The following RAB30 variants were observed in gnomAD, a reference collection of about 807,000 sequenced individuals.
The protein encoded by RAB30 is ras-related protein Rab-30.
A neutral mutation model predicts 25.1 loss-of-function variants in RAB30; 9 were observed. The observed-to-expected ratio is 0.36, with a 90% CI of 0.22 to 0.63. The LOEUF is 0.63. Ranked by LOEUF, RAB30 falls within the 20% of genes least tolerant of loss-of-function variation. The pLI, the probability that RAB30 is intolerant of heterozygous loss-of-function variation, is 0.69. For synonymous variants in RAB30, 77 were observed against 86.4 expected, an observed-to-expected ratio of 0.89 and a Z score of 0.60; for missense variants, 140 against 243.5, an observed-to-expected ratio of 0.58 and a Z score of 2.83.
At chr11:83,047,175 CCCCCAGG>C (rs1209029290) in intron 1 of RAB30, among the ~76,000 whole-genome samples, 1 of 151,524 alleles carries the variant, frequency 6.6e-6, no homozygotes, top group Non-Finnish European at 1.5e-5. Flanking sequence ...CTAATAAATG[CCCCCAGG>C]GTGGACGCCA....
chr11:83,017,298 G>A (rs1857460201), intron 1 of RAB30, among the ~76,000 whole-genome samples: 1 of 152,086 alleles, frequency 6.6e-6, no homozygotes, highest in Non-Finnish European at 1.5e-5. Flanking sequence ...GATAGTTCCA[G>A]TGCACTCCAG....
chr11:83,013,909 T>C (rs1857357832), intron 1 of RAB30, among the ~76,000 whole-genome samples: 1 of 152,224 alleles, frequency 6.6e-6, no homozygotes, highest in Admixed American at 6.5e-5. Flanking sequence ...AATTAAATAA[T>C]GCAAGTCCTC....
chr11:83,004,803 G>C (rs1202336659), intron 1 of RAB30, among the ~76,000 whole-genome samples: 1 of 151,962 alleles, frequency 6.6e-6, no homozygotes, highest in African/African-American at 2.4e-5. Flanking sequence ...CAAGACACCT[G>C]TCTCTGCTTG....
At chr11:83,000,563 AAC>A (rs1453569333) in intron 1 of RAB30, among the ~76,000 whole-genome samples, 7 of 152,236 alleles carry the variant, frequency 4.6e-5, no homozygotes, top group Non-Finnish European at 1.0e-4. Flanking sequence ...AGAAACAGGA[AAC>A]ACAGGACTGG....
chr11:83,023,779 A>G (rs1389975478), intron 1 of RAB30, among the ~76,000 whole-genome samples: 1 of 152,188 alleles, frequency 6.6e-6, no homozygotes, highest in Non-Finnish European at 1.5e-5. Context: ...CTCACATTTT[A>G]TAGCCCAGTA....
At chr11:83,022,435 A>T (rs1289417243) in intron 1 of RAB30, among the ~76,000 whole-genome samples, 1 of 152,184 alleles carries the variant, frequency 6.6e-6, no homozygotes, top group Non-Finnish European at 1.5e-5. Flanking sequence ...TTGGTATTAC[A>T]GGTGTGAGCC....
intron 1 of RAB30, among the ~76,000 whole-genome samples, chr11:83,004,334 T>A (rs1857143555): frequency 6.6e-6 from 1 of 152,222 alleles, no homozygotes; most frequent in Non-Finnish European, 1.5e-5. Flanking sequence ...CACTTTAATA[T>A]AAATTTGTTC....
chr11:82,977,731 A>C lies in RAB30; in HGVS notation c.*4434T>G, dbSNP rs575953461. On this transcript the variant is annotated 3_prime_UTR_variant, in exon 5 of 5. Coordinates refer to ENST00000527633, the MANE Select transcript of RAB30 (RefSeq NM_001286060.2). ...TATTCTTTAAATGGCTTGCATTTAA[A>C]ATTCCTTCATCAGACTGGTAATGCC... 1 of 152,316 alleles carries C rather than the reference A, an allele frequency of 6.6e-6. No individual in the cohort carries two copies. The highest frequency in any genetic ancestry group is 2.4e-5 in the African/African-American group (1 of 41,568). 9.4% of individuals were successfully genotyped at this position (152,316 alleles called of 1,614,324 possible). A position where few individuals can be genotyped will look rare whatever the true frequency, so the allele number is the denominator to read the frequency against.
At chr11:83,014,883 C>G (rs1158656785) in intron 1 of RAB30, among the ~76,000 whole-genome samples, 2 of 151,632 alleles carry the variant, frequency 1.3e-5, no homozygotes, top group Admixed American at 6.6e-5. Context: ...AGGGGCGAGT[C>G]AAGCACATGA....
intron 1 of RAB30, among the ~76,000 whole-genome samples, chr11:83,009,308 C>A (rs190142612): frequency 1.3e-5 from 2 of 152,144 alleles, no homozygotes; most frequent in African/African-American, 4.8e-5. Context: ...TCAGGCAATC[C>A]GCCCGCCTCG....
chr11:82,987,570 C>G lies in RAB30; in HGVS notation c.361+17G>C. On this transcript the variant is annotated intron_variant, in intron 4 of 4. Transcript: ENST00000527633. ...ATGCCCACAAATCAATTTCCCTCCTCGTTAGCCCTTACTTACCCACTAACA... is the reference window on the plus strand; with the variant it reads ...ATGCCCACAAATCAATTTCCCTCCTGGTTAGCCCTTACTTACCCACTAACA... 6.3e-7 allele frequency: 1 copy of G among 1,589,338 alleles called. No homozygotes were observed. Among genetic ancestry groups the G allele is most frequent in the Non-Finnish European group, 8.6e-7 (1 of 1,163,680 alleles).
At chr11:83,057,833 T>C (rs1171533356) in intron 1 of RAB30, among the ~76,000 whole-genome samples, 1 of 152,202 alleles carries the variant, frequency 6.6e-6, no homozygotes, top group Non-Finnish European at 1.5e-5. Context: ...GAATTCCAAT[T>C]GTGGATTCAG....
At chr11:83,023,140 C>T (rs978337160) in intron 1 of RAB30, among the ~76,000 whole-genome samples, 2 of 152,062 alleles carry the variant, frequency 1.3e-5, no homozygotes, top group Non-Finnish European at 2.9e-5. Context: ...AAAATATTCT[C>T]AGTTGATTCT....
intron 1 of RAB30, among the ~76,000 whole-genome samples, chr11:83,045,514 AGGAG>A (rs1306088596): frequency 6.6e-6 from 1 of 152,210 alleles, no homozygotes; most frequent in East Asian, 1.9e-4. Flanking sequence ...ACTGCCCACC[AGGAG>A]GTCGCAAATG....
chr11:83,001,366 A>T (rs531373606), intron 1 of RAB30, among the ~76,000 whole-genome samples: 14 of 152,200 alleles, frequency 9.2e-5, no homozygotes, highest in Non-Finnish European at 1.6e-4. Flanking sequence ...TTTTGTAGAG[A>T]CAGGGTCTCA....
chr11:82,975,017 C>T lies in RAB30; in HGVS notation c.*7148G>A, dbSNP rs1021826436. On this transcript the variant is annotated 3_prime_UTR_variant, in exon 5 of 5. Coordinates refer to ENST00000527633, the MANE Select transcript of RAB30 (RefSeq NM_001286060.2). ...AGTTCAAATACATTTATGTAGCTCC[C>T]TTATATACTATCAAAGGAGCTCCAA... is the stretch of plus-strand genomic sequence containing the variant. The T allele has an allele frequency of 4.0e-5, 6 of 150,634 alleles. No individual in the cohort carries two copies. Among genetic ancestry groups the T allele is most frequent in the Non-Finnish European group, 8.9e-5 (6 of 67,770 alleles). The allele number at this position is 150,634 out of a possible 1,614,324, so 9.3% of individuals were successfully genotyped here.
chr11:83,065,616 G>A (rs895812689), intron 1 of RAB30, among the ~76,000 whole-genome samples: 1 of 152,134 alleles, frequency 6.6e-6, no homozygotes, highest in Non-Finnish European at 1.5e-5. Flanking sequence ...CAGTGATGTT[G>A]TGTACTTCCC....
intron 4 of RAB30, among the ~76,000 whole-genome samples, chr11:82,983,066 A>G (rs1856672262): frequency 6.6e-6 from 1 of 152,158 alleles, no homozygotes; most frequent in South Asian, 2.1e-4. Flanking sequence ...ACCAAAAAAA[A>G]AGCGAAGCAG....
intron 1 of RAB30, among the ~76,000 whole-genome samples, chr11:83,000,411 T>A (rs921047297): frequency 2.6e-5 from 4 of 152,206 alleles, no homozygotes; most frequent in Non-Finnish European, 5.9e-5. Context: ...AAACTCCTGA[T>A]AAACACTCAG....
Sources: allele counts gnomAD v4.1 joint callset (sites outside exome capture counted in the v4.1 genomes callset), GRCh38; gene constraint gnomAD v4.1.1; transcripts MANE v1.5; gene names NCBI Gene and HGNC (gene_info 2026-07-23, HGNC 2026-07-21).